The following BACE2 variants were observed in gnomAD, a reference collection of about 807,000 sequenced individuals.
BACE2 encodes beta-secretase 2.
Under a neutral mutation model 46.2 loss-of-function variants are expected in BACE2, and 17 were observed. That is an observed-to-expected ratio of 0.37 (90% CI 0.25 to 0.55). BACE2 has a LOEUF of 0.55. Ranked by LOEUF, BACE2 falls within the 20% of genes least tolerant of loss-of-function variation. BACE2 has a pLI of 0.82. For missense variants in BACE2, 595 were observed against 698.1 expected (o/e 0.85, Z 1.66); for synonymous variants, 277 against 295.9 (o/e 0.94, Z 0.66).
chr21:41,168,945 G>C (rs1189246173), intron 1 of BACE2, among the ~76,000 whole-genome samples: 2 of 151,508 alleles, frequency 1.3e-5, no homozygotes, highest in Non-Finnish European at 3.0e-5. Context: ...CTTGGGCGAC[G>C]GGCTATTATG....
intron 1 of BACE2, among the ~76,000 whole-genome samples, chr21:41,220,190 G>T (rs1986599969): frequency 6.6e-6 from 1 of 151,738 alleles, no homozygotes; most frequent in Admixed American, 6.6e-5. Flanking sequence ...AGGTATAGGG[G>T]GACAGGTACA....
At chr21:41,253,356 C>T (rs1279006887) in intron 7 of BACE2, among the ~76,000 whole-genome samples, 1 of 150,342 alleles carries the variant, frequency 6.7e-6, no homozygotes, top group East Asian at 2.0e-4. Context: ...GCAGGAGAGT[C>T]GCTTGAACCT....
intron 1 of BACE2, among the ~76,000 whole-genome samples, chr21:41,223,365 A>C (rs1005063644): frequency 1.8e-4 from 27 of 151,946 alleles, no homozygotes; most frequent in African/African-American, 6.5e-4. Context: ...AAAAAAAAAA[A>C]AACCCCAGGA....
At position 41,257,118 on chromosome 21, in the gene BACE2, C is replaced by T. The variant is rs755512270; in HGVS notation, c.1135-40C>T. The T allele has an allele frequency of 2.5e-6, 4 of 1,612,170 alleles. No homozygotes were observed. The South Asian group carries it at 4.4e-5, about 18-fold the overall frequency. On this transcript the variant is annotated intron_variant, in intron 7 of 8. Transcript: ENST00000330333. ...ATTTTGTGATACTGCCTGATTTGTG[C>T]TTTTTCTTGTTTGTTTGCTCTCTCC...
intron 6 of BACE2, among the ~76,000 whole-genome samples, chr21:41,249,612 C>G (rs934616573): frequency 1.3e-5 from 2 of 152,214 alleles, no homozygotes; most frequent in Non-Finnish European, 2.9e-5. Flanking sequence ...TGCAGCACCC[C>G]CGACCACACA....
intron 1 of BACE2, among the ~76,000 whole-genome samples, chr21:41,168,954 T>C (rs1047512863): frequency 6.6e-6 from 1 of 150,768 alleles, no homozygotes; most frequent in African/African-American, 2.4e-5. Flanking sequence ...CGGGCTATTA[T>C]GGGGAAAATC....
intron 1 of BACE2, among the ~76,000 whole-genome samples, chr21:41,170,606 C>T (rs748792198): frequency 6.6e-6 from 1 of 152,204 alleles, no homozygotes; most frequent in East Asian, 1.9e-4. Context: ...TGACCACCAG[C>T]AGGGTGTCAG....
chr21:41,231,382 G>A (rs530764486), intron 2 of BACE2, among the ~76,000 whole-genome samples: 12 of 152,250 alleles, frequency 7.9e-5, no homozygotes, highest in African/African-American at 2.6e-4. Context: ...GTAAGCCCAC[G>A]GGTAGATTTC....
chr21:41,209,498 C>T (rs746063), intron 1 of BACE2, among the ~76,000 whole-genome samples: 54,591 of 152,120 alleles, frequency 0.36, 10,204 homozygotes, highest in Middle Eastern at 0.52. Flanking sequence ...TAATTTGATG[C>T]GTGCCTTTTT....
intron 8 of BACE2, among the ~76,000 whole-genome samples, chr21:41,269,532 C>T (rs1328041248): frequency 1.3e-5 from 2 of 152,166 alleles, no homozygotes; most frequent in South Asian, 2.1e-4. Context: ...AAACCACTGA[C>T]GTGCCTTCTG....
intron 1 of BACE2, among the ~76,000 whole-genome samples, chr21:41,211,756 TAGAG>T (rs1330938625): frequency 9.2e-5 from 14 of 152,246 alleles, no homozygotes; most frequent in African/African-American, 1.4e-4. Context: ...CCTGCTGAAA[TAGAG>T]AGAGTAATAT....
intron 1 of BACE2, among the ~76,000 whole-genome samples, chr21:41,195,107 A>G (rs897610686): frequency 6.6e-6 from 1 of 152,262 alleles, no homozygotes; most frequent in African/African-American, 2.4e-5. Flanking sequence ...ACCTGTTTTT[A>G]TAAATAAAGT....
intron 1 of BACE2, among the ~76,000 whole-genome samples, chr21:41,214,997 T>C (rs921535773): frequency 1.3e-5 from 2 of 152,064 alleles, no homozygotes; most frequent in African/African-American, 4.8e-5. Flanking sequence ...TTCCAAAGCT[T>C]CACTGAGGCC....
chr21:41,230,691 G>C (rs1410792253), intron 2 of BACE2, among the ~76,000 whole-genome samples: 2 of 152,176 alleles, frequency 1.3e-5, no homozygotes, highest in Admixed American at 6.5e-5. Flanking sequence ...TGGAGATTTG[G>C]CGTGGGGTTC....
intron 1 of BACE2, chr21:41,183,560 C>A (rs1451276292): frequency 1.8e-5 from 3 of 166,812 alleles, no homozygotes; most frequent in Non-Finnish European, 2.9e-5. Context: ...GACAGGGAAT[C>A]CCATAGCATC....
rs147551024 is a variant in BACE2, at chr21:41,262,770, G to T, written c.1303+5444G>T. 3.5e-3 allele frequency among the ~76,000 whole-genome samples: 539 copies of T among 152,182 alleles called. 4 individuals are homozygous for T. Among genetic ancestry groups the T allele is most frequent in the African/African-American group, 0.013 (520 of 41,544 alleles). On this transcript the variant is annotated intron_variant, in intron 8 of 8. Coordinates refer to ENST00000330333, the MANE Select transcript of BACE2 (RefSeq NM_012105.5). ...GTACCTCTTAGTTCTTACCACAAAT[G>T]AGATTATTTTACATTGCATTTCTTG...
chr21:41,223,656 T>C (rs1050304422), intron 1 of BACE2, among the ~76,000 whole-genome samples: 1 of 152,216 alleles, frequency 6.6e-6, no homozygotes, highest in Non-Finnish European at 1.5e-5. Context: ...CTTCACTTGA[T>C]TATCTCTGTA....
chr21:41,171,117 C>T (rs982755253), intron 1 of BACE2, among the ~76,000 whole-genome samples: 1 of 152,244 alleles, frequency 6.6e-6, no homozygotes, highest in African/African-American at 2.4e-5. Context: ...TGGCCTCAAA[C>T]TACCCTTTCT....
chr21:41,202,298 C>T (rs1025717873), intron 1 of BACE2, among the ~76,000 whole-genome samples: 1 of 152,144 alleles, frequency 6.6e-6, no homozygotes, highest in Admixed American at 6.5e-5. Context: ...GAGGAAGGAG[C>T]AGGAAATCAT....
Sources: gnomAD v4.1 joint callset for allele counts (sites outside exome capture counted in the v4.1 genomes callset) on GRCh38, gnomAD v4.1.1 for gene constraint, MANE v1.5 for transcripts, NCBI Gene and HGNC (gene_info 2026-07-23, HGNC 2026-07-21) for gene names.